The following MTSS1 variants were observed in gnomAD, a reference collection of about 807,000 sequenced individuals.
MTSS1 encodes MTSS I-BAR domain containing 1.
A neutral mutation model predicts 79.0 loss-of-function variants in MTSS1; 18 were observed. That is an observed-to-expected ratio of 0.23 (90% confidence interval 0.16 to 0.34). The LOEUF (loss-of-function observed/expected upper bound fraction) is 0.34. Among genes scored for constraint, MTSS1 ranks in the 10% least tolerant of loss-of-function variants. The probability of loss-of-function intolerance (pLI) is 1.00; values close to 1 mark genes in which losing one functional copy is unlikely to be tolerated. For missense variants in MTSS1, 815 were observed against 986.2 expected, an observed-to-expected ratio of 0.83 and a Z score of 2.33; for synonymous variants, 341 against 368.6, an observed-to-expected ratio of 0.93 and a Z score of 0.86.
chr8:124,568,364 TTTCCATTA>T lies in MTSS1; in HGVS notation c.618+7_618+14del. The T allele has an allele frequency of 6.2e-7, 1 of 1,608,796 alleles. No homozygotes were observed. The highest frequency in any genetic ancestry group is 1.7e-4 in the Middle Eastern group (1 of 6,028). On this transcript the variant is annotated splice_region_variant and intron_variant, in intron 7 of 13. Transcript: ENST00000518547. ...ACCAGCAGTTTAAACCTTCTGGAGT[TTTCCATTA>T]ACTTACAATCACTGGCCGCAGCATA...
intron 3 of MTSS1, among the ~76,000 whole-genome samples, chr8:124,665,088 G>A (rs1822806556): frequency 6.6e-6 from 1 of 152,088 alleles, no homozygotes; most frequent in African/African-American, 2.4e-5. Context: ...CACTAAGCTT[G>A]GAGAGGGTAA....
At chr8:124,702,118 A>T (rs1829785294) in intron 2 of MTSS1, among the ~76,000 whole-genome samples, 1 of 152,240 alleles carries the variant, frequency 6.6e-6, no homozygotes, top group Non-Finnish European at 1.5e-5. Context: ...CAAGATCCTC[A>T]CTGATAAAAG....
intron 3 of MTSS1, among the ~76,000 whole-genome samples, chr8:124,677,241 G>A (rs1055731145): frequency 2.7e-4 from 41 of 152,126 alleles, no homozygotes; most frequent in African/African-American, 9.9e-4. Context: ...CAAAGGCAAG[G>A]AAAAGGTAAG....
rs1241676740 is a variant in MTSS1, at chr8:124,557,694, A to G, written c.1217T>C (p.Ile406Thr). Reference protein sequence around the residue: ...IGPGMFPSSQIPSWKDWAKPG... With the variant: ...IGPGMFPSSQTPSWKDWAKPG... ...AGAGACACAAACCTTCCAGCTAGGG[A>G]TCTGAGATGACGGGAACATGCCGGG... The change falls in exon 11 of 14, where the codon ATC becomes ACC. Residue 406 changes from isoleucine (I) to threonine (T), a missense_variant. Around this residue, in one of 2 missense-constraint regions of MTSS1, gnomAD observed 590 missense variants for 620.8 expected, o/e 0.95. Coordinates refer to ENST00000518547, the MANE Select transcript of MTSS1 (RefSeq NM_014751.6). The G allele has an allele frequency of 8.9e-6, 14 of 1,581,372 alleles. No homozygotes were observed. Among genetic ancestry groups the G allele is most frequent in the Non-Finnish European group, 1.1e-5 (13 of 1,163,602 alleles).
chr8:124,706,574 C>T (rs1830415952), intron 1 of MTSS1, among the ~76,000 whole-genome samples: 1 of 152,146 alleles, frequency 6.6e-6, no homozygotes, highest in South Asian at 2.1e-4. Flanking sequence ...GGCAATTTGC[C>T]CCTATGGGAA....
intron 3 of MTSS1, among the ~76,000 whole-genome samples, chr8:124,650,631 A>G (rs1239550936): frequency 6.6e-6 from 1 of 152,160 alleles, no homozygotes; most frequent in Admixed American, 6.6e-5. Flanking sequence ...ATGCACGAAC[A>G]TCACATTTTC....
chr8:124,592,094 G>C (rs939860413), intron 3 of MTSS1, among the ~76,000 whole-genome samples: 2 of 152,082 alleles, frequency 1.3e-5, no homozygotes, highest in African/African-American at 4.8e-5. Flanking sequence ...CCAGTAATAG[G>C]ACATTTTTTA....
At chr8:124,698,125 G>A (rs1243977532) in intron 3 of MTSS1, 2 of 152,156 alleles carry the variant, frequency 1.3e-5, no homozygotes, top group Non-Finnish European at 2.9e-5. Flanking sequence ...ATTGCTTTTT[G>A]TGGTCCCATG....
chr8:124,678,803 A>G (rs1825704456), intron 3 of MTSS1, among the ~76,000 whole-genome samples: 1 of 152,224 alleles, frequency 6.6e-6, no homozygotes, highest in South Asian at 2.1e-4. Flanking sequence ...ACTGGGCTGC[A>G]AGAGCACAAA....
At chr8:124,606,956 G>A (rs1834985558) in intron 3 of MTSS1, among the ~76,000 whole-genome samples, 1 of 151,998 alleles carries the variant, frequency 6.6e-6, no homozygotes, top group Non-Finnish European at 1.5e-5. Context: ...ACTCCCCTCC[G>A]CAACCTGTCT....
chr8:124,656,142 T>C (rs902253767), intron 3 of MTSS1, among the ~76,000 whole-genome samples: 6 of 152,218 alleles, frequency 3.9e-5, no homozygotes. Context: ...AAGAGATAGA[T>C]CCCCGTTTTT....
At chr8:124,670,252 G>A (rs1438480796) in intron 3 of MTSS1, among the ~76,000 whole-genome samples, 1 of 152,178 alleles carries the variant, frequency 6.6e-6, no homozygotes, top group Non-Finnish European at 1.5e-5. Context: ...AAGATCTGCA[G>A]AAGAGCAACC....
Position 124,557,857 on chromosome 8 carries a change from G to C in MTSS1, c.1054C>G (p.His352Asp). ...TGGGACTCACTTGATAAACTATAGT[G>C]AGAAAACCCGTTAGACAACTGGAAA... ...APNQLSNGFS[H>D]YSLSSESHVG... The change falls in exon 11 of 14, where the codon CAC becomes GAC. Residue 352 changes from histidine to aspartate, a missense_variant. His to Asp is a moderately conservative substitution (Grantham distance 81). Coordinates refer to ENST00000518547, the MANE Select transcript of MTSS1 (RefSeq NM_014751.6). 6.5e-7 allele frequency: 1 copy of C among 1,544,142 alleles called. No homozygotes were observed.
chr8:124,653,969 G>A (rs1297922447), intron 3 of MTSS1, among the ~76,000 whole-genome samples: 1 of 152,176 alleles, frequency 6.6e-6, no homozygotes, highest in Non-Finnish European at 1.5e-5. Context: ...CCTGGTTGCA[G>A]GAAAAGGCCT....
chr8:124,697,319 G>C (rs1031870139), intron 3 of MTSS1, among the ~76,000 whole-genome samples: 3 of 151,844 alleles, frequency 2.0e-5, no homozygotes, highest in African/African-American at 7.3e-5. Flanking sequence ...CAGCACTATG[G>C]GAGGCTGAGG....
At chr8:124,631,950 GT>G (rs1816040408) in intron 3 of MTSS1, among the ~76,000 whole-genome samples, 2 of 152,190 alleles carry the variant, frequency 1.3e-5, no homozygotes, top group South Asian at 4.1e-4. Flanking sequence ...GTGTCATTTG[GT>G]TTTTAACAGA....
intron 3 of MTSS1, among the ~76,000 whole-genome samples, chr8:124,617,025 AAACCAACAGATGGAAATGCTGTC>A (rs1837001520): frequency 1.2e-5 from 1 of 86,602 alleles, no homozygotes; most frequent in Non-Finnish European, 2.1e-5. Flanking sequence ...CATAAGTGGT[AAACCAACAGATGGAAATGCTGTC>A]CATAAGTGGT....
chr8:124,568,029 A>T, intron 7 of MTSS1: 1 of 1,162,652 alleles, frequency 8.6e-7, no homozygotes, highest in Non-Finnish European at 1.1e-6. Context: ...CTGGGTCCCC[A>T]CCCCCAGAGG....
intron 1 of MTSS1, among the ~76,000 whole-genome samples, chr8:124,707,711 AG>A (rs1347878485): frequency 2.1e-5 from 3 of 145,592 alleles, no homozygotes; most frequent in Non-Finnish European, 4.6e-5. Context: ...CCATCTCAAA[AG>A]AAAAAAAAAA....
Sources: gnomAD v4.1 joint callset for allele counts (sites outside exome capture counted in the v4.1 genomes callset) on GRCh38, gnomAD v4.1.1 for gene constraint, gnomAD v4.1.1 regional missense constraint, MANE v1.5 for transcripts, NCBI Gene and HGNC (gene_info 2026-07-23, HGNC 2026-07-21) for gene names.